The following MON2 variants were observed in gnomAD, a reference collection of about 807,000 sequenced individuals.
The protein encoded by MON2 is protein MON2 homolog.
A neutral mutation model predicts 208.6 loss-of-function variants in MON2; 84 were observed. The ratio of observed to expected loss-of-function variants is 0.40; its 90% CI spans 0.34 to 0.48. MON2 has a LOEUF of 0.48. Among genes scored for constraint, MON2 ranks in the 20% least tolerant of loss-of-function variants. MON2 has a pLI of 0.59. For missense variants in MON2, 1,611 were observed against 2,015.4 expected (o/e 0.80, Z 3.84); for synonymous variants, 660 against 694.0 (o/e 0.95, Z 0.77).
intron 34 of MON2, among the ~76,000 whole-genome samples, chr12:62,589,901 G>A (rs2075342685): frequency 6.6e-6 from 1 of 152,074 alleles, no homozygotes; most frequent in African/African-American, 2.4e-5. Flanking sequence ...ATTGTTGAAT[G>A]GAGTTTGAAT....
At chr12:62,530,096 A>G (rs963729582) in intron 11 of MON2, among the ~76,000 whole-genome samples, 12 of 152,054 alleles carry the variant, frequency 7.9e-5, no homozygotes, top group Admixed American at 7.2e-4. Context: ...TCCTGTCTGT[A>G]TAACTGTATT....
intron 2 of MON2, among the ~76,000 whole-genome samples, chr12:62,492,934 G>A (rs1015554749): frequency 2.0e-5 from 3 of 151,748 alleles, no homozygotes; most frequent in Non-Finnish European, 2.9e-5. Context: ...AGCCAAGATC[G>A]TGCCACTGCT....
chr12:62,556,929 T>TA (rs1248090870), intron 25 of MON2, among the ~76,000 whole-genome samples: 2 of 151,862 alleles, frequency 1.3e-5, no homozygotes, highest in Non-Finnish European at 2.9e-5. Flanking sequence ...TTTTTTAAAA[T>TA]AAAAAATCAT....
chr12:62,586,853 C>G (rs999577796), intron 33 of MON2, among the ~76,000 whole-genome samples: 2 of 152,054 alleles, frequency 1.3e-5, no homozygotes, highest in Non-Finnish European at 2.9e-5. Context: ...TAAGTCTTTA[C>G]TTTTTAACTA....
At chr12:62,492,567 T>G (rs2070217853) in intron 2 of MON2, among the ~76,000 whole-genome samples, 1 of 148,256 alleles carries the variant, frequency 6.7e-6, no homozygotes. Flanking sequence ...GAGATGGGGT[T>G]TCACCTTGTT....
In MON2 at chr12:62,556,033, A is replaced by G; in HGVS notation, c.3250A>G (p.Thr1084Ala). ...HLLDRVRESS[T>A]TADKEKIESG... ...ACTGGACAGAGTTCGAGAGTCCTCTACCACTGCAGACAAAGAAAAGATTGA... is the reference window on the plus strand; with the variant it reads ...ACTGGACAGAGTTCGAGAGTCCTCTGCCACTGCAGACAAAGAAAAGATTGA... The change falls in exon 25 of 35, where the codon ACC (threonine) becomes GCC (alanine). Residue 1084 changes from threonine (T) to alanine (A), a missense_variant. Physicochemically the swap from Thr to Ala is moderately conservative, Grantham distance 58 (BLOSUM62 0). Transcript: ENST00000393630. 6.2e-7 allele frequency: 1 copy of G among 1,613,620 alleles called. No homozygotes were observed. The highest frequency in any genetic ancestry group is 1.7e-5 in the Admixed American group (1 of 59,986).
At chr12:62,567,534 T>G (rs975218771) in intron 29 of MON2, among the ~76,000 whole-genome samples, 1 of 152,278 alleles carries the variant, frequency 6.6e-6, no homozygotes. Flanking sequence ...TCAGTCCTTC[T>G]CTAATGATTT....
At position 62,508,500 on chromosome 12, in the gene MON2, T is replaced by C; in HGVS notation, c.984+20T>C. 3 of 1,598,958 alleles carry C rather than the reference T, an allele frequency of 1.9e-6. No individual in the cohort carries two copies. The highest frequency in any genetic ancestry group is 2.6e-6 in the Non-Finnish European group (3 of 1,166,284). On this transcript the variant is annotated intron_variant, in intron 8 of 34. Transcript: ENST00000393630. ...CTTTTGGTAAGTGCTAATTTCCTTATGTATTTGTGTATATAGTTGCATGTT... is the reference window on the plus strand; with the variant it reads ...CTTTTGGTAAGTGCTAATTTCCTTACGTATTTGTGTATATAGTTGCATGTT...
chr12:62,586,823 C>T (rs770725064), intron 33 of MON2, among the ~76,000 whole-genome samples: 1 of 151,998 alleles, frequency 6.6e-6, no homozygotes, highest in Admixed American at 6.6e-5. Flanking sequence ...AGAAAACTTT[C>T]ACCTTATTTT....
intron 2 of MON2, among the ~76,000 whole-genome samples, chr12:62,489,303 C>T (rs535820443): frequency 1.1e-4 from 17 of 152,134 alleles, no homozygotes; most frequent in Non-Finnish European, 2.1e-4. Flanking sequence ...ATTAAATAGA[C>T]AAATGAATTC....
At chr12:62,557,406 C>T (rs1486818307) in intron 25 of MON2, among the ~76,000 whole-genome samples, 1 of 152,136 alleles carries the variant, frequency 6.6e-6, no homozygotes, top group Non-Finnish European at 1.5e-5. Flanking sequence ...AGGGTAGAGG[C>T]AAGGGTTGAT....
chr12:62,525,932 C>A lies in MON2; in HGVS notation c.1247-17C>A. 6.3e-7 allele frequency: 1 copy of A among 1,595,912 alleles called. No homozygotes were observed. Among genetic ancestry groups the A allele is most frequent in the Non-Finnish European group, 8.5e-7 (1 of 1,173,038 alleles). ...GTAAATTAGTGTCTTTTCTTTTTTTCCCTTCTTCTCTAACAGGAAACAATA... is the reference window on the plus strand; with the variant it reads ...GTAAATTAGTGTCTTTTCTTTTTTTACCTTCTTCTCTAACAGGAAACAATA... On this transcript the variant is annotated splice_polypyrimidine_tract_variant and intron_variant, in intron 10 of 34. Transcript: ENST00000393630.
rs1264192244 is a variant in MON2, at chr12:62,549,695, G to C, written c.2781G>C (p.Gln927His). 2 of 1,608,264 alleles carry C rather than the reference G, an allele frequency of 1.2e-6. No homozygotes were observed. The highest frequency in any genetic ancestry group is 2.2e-5 in the South Asian group (2 of 89,694). Residue 927 changes from glutamine (Q) to histidine (H), a missense_variant, in exon 23 of 35, where the codon CAG becomes CAC. Transcript: ENST00000393630. ...AATCCTTGATACGAACTGCATTCCA[G>C]TGTCTTCAGTTGGTTGTGACAGATT... ...QGESLIRTAFQCLQLVVTDFL... is the reference protein window; with the variant it reads ...QGESLIRTAFHCLQLVVTDFL...
chr12:62,537,135 T>C lies in MON2; in HGVS notation c.1901-16T>C. The C allele has an allele frequency of 1.4e-6, 2 of 1,430,082 alleles. No individual in the cohort carries two copies. Among genetic ancestry groups the C allele is most frequent in the Non-Finnish European group, 1.9e-6 (2 of 1,038,168 alleles). The allele number at this position is 1,430,082 out of a possible 1,614,324, so 88.6% of individuals were successfully genotyped here. A position where few individuals can be genotyped will look rare whatever the true frequency, so the allele number is the denominator to read the frequency against. ...AAAATATATTTTAATTATTTAGGCT[T>C]TCCTTTGTGTTCTAGCATATTCCGT... On this transcript the variant is annotated splice_polypyrimidine_tract_variant and intron_variant, in intron 14 of 34. Coordinates refer to ENST00000393630, the MANE Select transcript of MON2 (RefSeq NM_015026.3).
At chr12:62,467,583 T>G (rs998307916) in intron 1 of MON2, among the ~76,000 whole-genome samples, 1 of 152,230 alleles carries the variant, frequency 6.6e-6, no homozygotes, top group Non-Finnish European at 1.5e-5. Context: ...CTAGGTGTAC[T>G]GTGCACTAGC....
chr12:62,561,835 CAT>C (rs1373899363), intron 26 of MON2, among the ~76,000 whole-genome samples: 4 of 152,038 alleles, frequency 2.6e-5, no homozygotes, highest in African/African-American at 4.8e-5. Context: ...TCTGATCACA[CAT>C]GTTATCAGTA....
chr12:62,545,869 A>G (rs1221314056), intron 21 of MON2, among the ~76,000 whole-genome samples: 1 of 152,192 alleles, frequency 6.6e-6, no homozygotes, highest in Non-Finnish European at 1.5e-5. Flanking sequence ...TTCTGCAACA[A>G]TTTGAATTTT....
At chr12:62,516,684 A>G (rs1178722003) in intron 8 of MON2, among the ~76,000 whole-genome samples, 2 of 152,194 alleles carry the variant, frequency 1.3e-5, no homozygotes, top group African/African-American at 4.8e-5. Context: ...AGGCTGGGCA[A>G]CAAGAGCAAA....
At chr12:62,474,415 G>T (rs934589786) in intron 1 of MON2, among the ~76,000 whole-genome samples, 8 of 151,436 alleles carry the variant, frequency 5.3e-5, no homozygotes, top group African/African-American at 1.9e-4. Context: ...ACTGCGCCTG[G>T]CCTCTTCTTT....
Sources: gnomAD v4.1 joint callset for allele counts (sites outside exome capture counted in the v4.1 genomes callset) on GRCh38, gnomAD v4.1.1 for gene constraint, MANE v1.5 for transcripts, NCBI Gene and HGNC (gene_info 2026-07-23, HGNC 2026-07-21) for gene names.